The following MAPKAP1 variants were observed in gnomAD, a reference collection of about 807,000 sequenced individuals.
MAPKAP1 encodes target of rapamycin complex 2 subunit MAPKAP1.
Under a neutral mutation model 65.7 loss-of-function variants are expected in MAPKAP1, and 20 were observed. The observed-to-expected ratio is 0.30, with a 90% CI of 0.21 to 0.44. The LOEUF (loss-of-function observed/expected upper bound fraction) is 0.44. Ranked by LOEUF, MAPKAP1 falls within the 20% of genes least tolerant of loss-of-function variation. The pLI is 1.00. For synonymous variants in MAPKAP1, 222 were observed against 244.3 expected (o/e 0.91, Z 0.85); for missense variants, 423 against 648.0 (o/e 0.65, Z 3.77).
At chr9:125,525,873 A>AT (rs1368709940) in intron 7 of MAPKAP1, among the ~76,000 whole-genome samples, 4 of 152,186 alleles carry the variant, frequency 2.6e-5, no homozygotes, top group African/African-American at 9.7e-5. Flanking sequence ...ACTCAAAGAC[A>AT]GAGAATGACC....
chr9:125,491,618 A>G (rs539264526), intron 8 of MAPKAP1, among the ~76,000 whole-genome samples: 2 of 151,808 alleles, frequency 1.3e-5, no homozygotes, highest in East Asian at 2.0e-4. Context: ...CTCTACAAAA[A>G]ATACAAAAAA....
intron 10 of MAPKAP1, among the ~76,000 whole-genome samples, chr9:125,461,693 G>A (rs143584122): frequency 5.9e-4 from 90 of 152,324 alleles, no homozygotes; most frequent in Admixed American, 1.8e-3. Flanking sequence ...GTGAGAGTCC[G>A]TTGTGTTCTG....
chr9:125,565,278 T>C (rs530045843), intron 5 of MAPKAP1: 9 of 152,606 alleles, frequency 5.9e-5, no homozygotes, highest in African/African-American at 2.2e-4. Context: ...AGCCCATATA[T>C]AGATAGCATT....
At position 125,520,416 on chromosome 9, in the gene MAPKAP1, T is replaced by C. The variant is rs117725849; in HGVS notation, c.959-13999A>G. Among the ~76,000 whole-genome samples the C allele has an allele frequency of 3.1e-3, 475 of 152,286 alleles. 2 individuals are homozygous for C. The highest frequency in any genetic ancestry group is 6.8e-3 in the Middle Eastern group (2 of 294). On this transcript the variant is annotated intron_variant, in intron 7 of 11. Transcript: ENST00000265960. Reference sequence around the variant, plus strand: ...CTCATCTTCCTCCCCTCTAATGATATAGTAATCCAGAAATATCCTCCAAAC... The same window carrying C: ...CTCATCTTCCTCCCCTCTAATGATACAGTAATCCAGAAATATCCTCCAAAC...
chr9:125,501,952 G>T (rs1332160367), intron 8 of MAPKAP1, among the ~76,000 whole-genome samples: 1 of 152,100 alleles, frequency 6.6e-6, no homozygotes, highest in East Asian at 1.9e-4. Context: ...CCTTTTCAAA[G>T]AACCAACTCT....
chr9:125,621,380 G>A (rs563917386), intron 4 of MAPKAP1, among the ~76,000 whole-genome samples: 1 of 152,138 alleles, frequency 6.6e-6, no homozygotes, highest in South Asian at 2.1e-4. Flanking sequence ...ACACAATCAA[G>A]TTAGTAATAT....
At chr9:125,509,171 G>A (rs1473823891) in intron 7 of MAPKAP1, among the ~76,000 whole-genome samples, 1 of 151,956 alleles carries the variant, frequency 6.6e-6, no homozygotes, top group Non-Finnish European at 1.5e-5. Flanking sequence ...TACCCCAGGT[G>A]GTACCCAAAT....
chr9:125,484,149 G>A (rs1348226791), intron 9 of MAPKAP1, among the ~76,000 whole-genome samples: 1 of 152,176 alleles, frequency 6.6e-6, no homozygotes, highest in African/African-American at 2.4e-5. Flanking sequence ...AAGGAGAGCA[G>A]GCAAGAGAAT....
intron 1 of MAPKAP1, among the ~76,000 whole-genome samples, chr9:125,678,392 G>A (rs1239278970): frequency 2.0e-5 from 3 of 151,556 alleles, no homozygotes; most frequent in Admixed American, 1.3e-4. Context: ...ACAGGCGCCC[G>A]CCACCACGCC....
At chr9:125,635,800 C>T (rs1673820262) in intron 4 of MAPKAP1, among the ~76,000 whole-genome samples, 1 of 152,162 alleles carries the variant, frequency 6.6e-6, no homozygotes, top group South Asian at 2.1e-4. Context: ...TTTCTTAATG[C>T]TTCTTTATTG....
chr9:125,490,980 T>C lies in MAPKAP1; in HGVS notation c.1067-6397A>G, dbSNP rs1347553200. On this transcript the variant is annotated intron_variant, in intron 8 of 11. Coordinates refer to ENST00000265960, the MANE Select transcript of MAPKAP1 (RefSeq NM_001006617.3). ...TGGTGAAACCTCGTCTCTATAAAAA[T>C]ACAAAAAATTAGCTGAGGATGGCGG... Among the ~76,000 whole-genome samples, 4 of 150,920 alleles carry C rather than the reference T, an allele frequency of 2.7e-5. No individual in the cohort carries two copies. The East Asian group carries it at 7.9e-4, about 30-fold the overall frequency.
intron 4 of MAPKAP1, among the ~76,000 whole-genome samples, chr9:125,645,417 C>G (rs1833696128): frequency 1.3e-5 from 2 of 152,150 alleles, no homozygotes; most frequent in Admixed American, 1.3e-4. Context: ...ATAGATTTTT[C>G]TTTCTCAAGC....
chr9:125,700,773 AT>A (rs1191129014), intron 1 of MAPKAP1, among the ~76,000 whole-genome samples: 2 of 152,238 alleles, frequency 1.3e-5, no homozygotes, highest in Non-Finnish European at 2.9e-5. Context: ...GAAAACAAGT[AT>A]CTACAAGACC....
In MAPKAP1 at chr9:125,570,316, G is replaced by A. The variant is rs574040290; in HGVS notation, c.672-10507C>T. ...AATTTGTGAAAGGGAATTTATGCAC[G>A]AAAAGTTGTCCAATTCAAAGGTTGT... On this transcript the variant is annotated intron_variant, in intron 5 of 11. Transcript: ENST00000265960. Among the ~76,000 whole-genome samples the A allele has an allele frequency of 5.3e-4, 80 of 152,224 alleles. 2 individuals are homozygous for A. In the South Asian group the frequency reaches 0.012, roughly 23 times the overall value.
chr9:125,655,046 T>C (rs977472059), intron 4 of MAPKAP1, among the ~76,000 whole-genome samples: 1 of 152,042 alleles, frequency 6.6e-6, no homozygotes, highest in African/African-American at 2.4e-5. Flanking sequence ...AAGAAAAGCA[T>C]TGTGAATATT....
chr9:125,621,117 C>CA (rs1832884900), intron 4 of MAPKAP1, among the ~76,000 whole-genome samples: 1 of 151,854 alleles, frequency 6.6e-6, no homozygotes, highest in Admixed American at 6.6e-5. Flanking sequence ...ACCAAAAATG[C>CA]AAAAATTAGC....
chr9:125,650,799 G>A (rs1456345413), intron 4 of MAPKAP1, among the ~76,000 whole-genome samples: 4 of 152,098 alleles, frequency 2.6e-5, no homozygotes, highest in East Asian at 1.9e-4. Flanking sequence ...GTAGAATGCC[G>A]AAAACATTTT....
chr9:125,516,305 G>C (rs559574380), intron 7 of MAPKAP1, among the ~76,000 whole-genome samples: 2 of 152,192 alleles, frequency 1.3e-5, no homozygotes, highest in Non-Finnish European at 2.9e-5. Flanking sequence ...TCGACAGAAA[G>C]CTTGCACTAG....
chr9:125,624,800 C>G (rs1188314394), intron 4 of MAPKAP1, among the ~76,000 whole-genome samples: 12 of 85,124 alleles, frequency 1.4e-4, no homozygotes, highest in Non-Finnish European at 2.8e-4. Flanking sequence ...AATAGAAAGG[C>G]GGGAAAGGTG....
Sources: allele counts gnomAD v4.1 joint callset (sites outside exome capture counted in the v4.1 genomes callset), GRCh38; gene constraint gnomAD v4.1.1; transcripts MANE v1.5; gene names NCBI Gene and HGNC (gene_info 2026-07-23, HGNC 2026-07-21).